Variants in PIK3CG observed in about 807,000 individuals in gnomAD.
The protein encoded by PIK3CG is phosphatidylinositol 4,5-bisphosphate 3-kinase catalytic subunit gamma isoform.
In PIK3CG, 55 loss-of-function variants were observed where a neutral mutation model predicts 102.3. The ratio of observed to expected loss-of-function variants is 0.54; its 90% CI spans 0.43 to 0.67. PIK3CG has a LOEUF of 0.67. Ranked by LOEUF, PIK3CG falls within the 30% of genes least tolerant of loss-of-function variation. The pLI is 0.00. For missense variants in PIK3CG, 1,258 were observed against 1,391.8 expected, an observed-to-expected ratio of 0.90 and a Z score of 1.53; for synonymous variants, 552 against 540.0, an observed-to-expected ratio of 1.02 and a Z score of -0.31.
In PIK3CG at chr7:106,868,279, AC is replaced by A; in HGVS notation, c.723del (p.Gly242AlafsTer17). On this transcript the variant is annotated frameshift_variant, in exon 2 of 11. Transcript: ENST00000496166. LOFTEE classifies it high-confidence loss of function. This position sits in a 1 kb window ranked among gnomAD's most constrained non-coding sequence, Gnocchi z 6.2. ...SQTIKVSPDD[T>X]PGAILQSFFT... ...GACCATTAAGGTCTCACCCGACGAC[AC>A]CCCCGGCGCCATCCTGCAGAGCTTC... 1 of 1,613,938 alleles carries A rather than the reference AC, an allele frequency of 6.2e-7. No individual in the cohort carries two copies. Among genetic ancestry groups the A allele is most frequent in the Non-Finnish European group, 8.5e-7 (1 of 1,180,006 alleles).
At position 106,905,735 on chromosome 7, in the gene PIK3CG, A is replaced by G; in HGVS notation, c.*348A>G. 3.4e-6 allele frequency: 1 copy of G among 292,174 alleles called. No individual in the cohort carries two copies. Among genetic ancestry groups the G allele is most frequent in the Non-Finnish European group, 6.4e-6 (1 of 156,488 alleles). 18.1% of individuals were successfully genotyped at this position (292,174 alleles called of 1,614,324 possible). A position where few individuals can be genotyped will look rare whatever the true frequency, so the allele number is the denominator to read the frequency against. On this transcript the variant is annotated 3_prime_UTR_variant, in exon 11 of 11. Transcript: ENST00000496166. The surrounding 1 kb of genome is among the most constrained non-coding windows in gnomAD (Gnocchi z 5.6). ...TGGAAATTCTTTGGAATAATTGATG[A>G]CATCTATTTTCATCTGGGTTTAGTC...
Position 106,883,172 on chromosome 7 carries a change from A to ATGC in PIK3CG, c.2760+11_2760+13dup. Reference sequence around the variant, plus strand: ...CCCCTACTGAAGAAAAGGTGAGCTCATGCTTTTTCCCAGTCTAATGGCTCC... The same window carrying ATGC: ...CCCCTACTGAAGAAAAGGTGAGCTCATGCTGCTTTTTCCCAGTCTAATGGCTCC... On this transcript the variant is annotated intron_variant, in intron 8 of 10. Coordinates refer to ENST00000496166, the MANE Select transcript of PIK3CG (RefSeq NM_001282426.2). This position sits in a 1 kb window ranked among gnomAD's most constrained non-coding sequence, Gnocchi z 5.8. The ATGC allele has an allele frequency of 6.2e-7, 1 of 1,613,658 alleles. No individual in the cohort carries two copies. Among genetic ancestry groups the ATGC allele is most frequent in the East Asian group, 2.2e-5 (1 of 44,880 alleles).
Position 106,902,940 on chromosome 7 carries a change from T to A in PIK3CG, c.3031-2169T>A, listed in dbSNP as rs1358416138. Among the ~76,000 whole-genome samples, 1 of 152,188 alleles carries A rather than the reference T, an allele frequency of 6.6e-6. No individual in the cohort carries two copies. The highest frequency in any genetic ancestry group is 2.4e-5 in the African/African-American group (1 of 41,456). ...TCCATGATTATTTAAATGTTTTCCCTTTTTAAATTTAATTCATCTGGAATT... is the reference window on the plus strand; with the variant it reads ...TCCATGATTATTTAAATGTTTTCCCATTTTAAATTTAATTCATCTGGAATT... On this transcript the variant is annotated intron_variant, in intron 10 of 10. Coordinates refer to ENST00000496166, the MANE Select transcript of PIK3CG (RefSeq NM_001282426.2). This position sits in a 1 kb window ranked among gnomAD's most constrained non-coding sequence, Gnocchi z 4.3.
chr7:106,890,154 A>T lies in PIK3CG; in HGVS notation c.3030+3862A>T, dbSNP rs1791230992. Among the ~76,000 whole-genome samples, 1 of 152,208 alleles carries T rather than the reference A, an allele frequency of 6.6e-6. No homozygotes were observed. The highest frequency in any genetic ancestry group is 6.5e-5 in the Admixed American group (1 of 15,280). ...TGAAATTTGGCTTCTAAGTTTTTTAAATGTCAGAATGTGTTTTTTATTGTT... is the reference window on the plus strand; with the variant it reads ...TGAAATTTGGCTTCTAAGTTTTTTATATGTCAGAATGTGTTTTTTATTGTT... On this transcript the variant is annotated intron_variant, in intron 10 of 10. Transcript: ENST00000496166. The surrounding 1 kb of genome is among the most constrained non-coding windows in gnomAD (Gnocchi z 4.2).
chr7:106,886,421 T>C, intron 10 of PIK3CG, 129 bp downstream of exon 10: 1 of 764,254 alleles, frequency 1.3e-6, no homozygotes, highest in Non-Finnish European at 2.1e-6. Flanking sequence ...TCTTCTGGCA[T>C]GGCCAACCCT....
At position 106,891,794 on chromosome 7, in the gene PIK3CG, A is replaced by G. The variant is rs753290088; in HGVS notation, c.3030+5502A>G. On this transcript the variant is annotated intron_variant, in intron 10 of 10. Transcript: ENST00000496166. This position sits in a 1 kb window ranked among gnomAD's most constrained non-coding sequence, Gnocchi z 4.4. ...GGAGCCCATTCGTTGTGTTATTTTA[A>G]TCTAGGATGACTGTGGAAATTTTCT... 2.0e-5 allele frequency among the ~76,000 whole-genome samples: 3 copies of G among 151,838 alleles called. No homozygotes were observed. The highest frequency in any genetic ancestry group is 2.9e-5 in the Non-Finnish European group (2 of 67,954).
chr7:106,889,218 C>T (rs984307387), intron 10 of PIK3CG, among the ~76,000 whole-genome samples: 1 of 152,166 alleles, frequency 6.6e-6, no homozygotes, highest in Non-Finnish European at 1.5e-5. Context: ...TGTGTTCCCT[C>T]ATCCTTCACA....
At chr7:106,870,650 A>G (rs963497215) in intron 2 of PIK3CG, among the ~76,000 whole-genome samples, 6 of 152,342 alleles carry the variant, frequency 3.9e-5, no homozygotes, top group Middle Eastern at 3.4e-3. Context: ...TGAGTAAGTG[A>G]CATTTGACCT....
intron 7 of PIK3CG, 45 bp from the exon 8 acceptor site, chr7:106,882,988 G>A (rs1042773654): frequency 1.9e-6 from 3 of 1,591,538 alleles, no homozygotes; most frequent in Non-Finnish European, 2.6e-6. Context: ...TCTGGGCCAG[G>A]TACTGGCCCC....
chr7:106,901,613 G>C (rs866584039), intron 10 of PIK3CG, among the ~76,000 whole-genome samples: 1 of 152,166 alleles, frequency 6.6e-6, no homozygotes. Flanking sequence ...TGGTGTGGTT[G>C]TTTGGAGGAC....
In PIK3CG at chr7:106,867,917, T is replaced by C. The variant is rs2116425530; in HGVS notation, c.356T>C (p.Leu119Pro). 2 of 1,613,292 alleles carry C rather than the reference T, an allele frequency of 1.2e-6. No individual in the cohort carries two copies. Among genetic ancestry groups the C allele is most frequent in the Non-Finnish European group, 1.7e-6 (2 of 1,179,980 alleles). The change falls in exon 2 of 11, where the codon CTG (leucine) becomes CCG (proline). Residue 119 changes from leucine (L) to proline (P), a missense_variant. By Grantham distance (98) the Leu-to-Pro change is moderately conservative. Coordinates refer to ENST00000496166, the MANE Select transcript of PIK3CG (RefSeq NM_001282426.2). This position sits in a 1 kb window ranked among gnomAD's most constrained non-coding sequence, Gnocchi z 5.1. Reference protein sequence around the residue: ...IYDKYQVVQTLDCLRYWKATH... With the variant: ...IYDKYQVVQTPDCLRYWKATH... ...GACAAGTACCAGGTGGTGCAGACTC[T>C]GGACTGCCTGCGCTACTGGAAGGCC...
rs929716129 is a variant in PIK3CG, at chr7:106,880,314, A to G, written c.2538+649A>G. Among the ~76,000 whole-genome samples the G allele has an allele frequency of 4.2e-4, 64 of 152,356 alleles. No homozygotes were observed. Among genetic ancestry groups the G allele is most frequent in the South Asian group, 2.1e-4 (1 of 4,832 alleles). On this transcript the variant is annotated intron_variant, in intron 6 of 10. Coordinates refer to ENST00000496166, the MANE Select transcript of PIK3CG (RefSeq NM_001282426.2). This position sits in a 1 kb window ranked among gnomAD's most constrained non-coding sequence, Gnocchi z 4.2. ...GAGGTAATAATTTCTAATACTTAAT[A>G]TGGTTTATTTGAAGTAGACAAATTA...
intron 10 of PIK3CG, among the ~76,000 whole-genome samples, chr7:106,896,023 C>T (rs1383496326): frequency 1.3e-5 from 2 of 152,272 alleles, no homozygotes; most frequent in Middle Eastern, 6.8e-3. Flanking sequence ...AAGCATGGGA[C>T]GTGCAGTTAA....
rs1450932601 is a variant in PIK3CG at position 106,880,579 on chromosome 7, T to A, written c.2538+914T>A. On this transcript the variant is annotated intron_variant, in intron 6 of 10. Coordinates refer to ENST00000496166, the MANE Select transcript of PIK3CG (RefSeq NM_001282426.2). The surrounding 1 kb of genome is among the most constrained non-coding windows in gnomAD (Gnocchi z 4.2). ...AATAAATCTGTAGAATATTTTGAAT[T>A]GTTTGAAGATGGACACTTTAAAAAC... Among the ~76,000 whole-genome samples, 1 of 152,248 alleles carries A rather than the reference T, an allele frequency of 6.6e-6. No individual in the cohort carries two copies. Among genetic ancestry groups the A allele is most frequent in the Non-Finnish European group, 1.5e-5 (1 of 68,032 alleles).
At position 106,897,853 on chromosome 7, in the gene PIK3CG, C is replaced by T. The variant is rs184702557; in HGVS notation, c.3031-7256C>T. On this transcript the variant is annotated intron_variant, in intron 10 of 10. Coordinates refer to ENST00000496166, the MANE Select transcript of PIK3CG (RefSeq NM_001282426.2). This position sits in a 1 kb window ranked among gnomAD's most constrained non-coding sequence, Gnocchi z 4.6. ...GCTGCAGTGAATATTTCTGTACATG[C>T]GTTTTTATGGTAGAATGATTTCTAT... 6.6e-6 allele frequency among the ~76,000 whole-genome samples: 1 copy of T among 152,018 alleles called. No homozygotes were observed. Among genetic ancestry groups the T allele is most frequent in the Non-Finnish European group, 1.5e-5 (1 of 67,980 alleles).
rs138929870 is a variant in PIK3CG, at chr7:106,868,272, C to G, written c.711C>G (p.Pro237=). 1 of 1,613,890 alleles carries G rather than the reference C, an allele frequency of 6.2e-7. No homozygotes were observed. The part of the protein sequence containing the change: ...STTSQTIKVS[P]DDTPGAILQS... ...CCAGCCAGACCATTAAGGTCTCACCCGACGACACCCCCGGCGCCATCCTGC... is the reference window on the plus strand; with the variant it reads ...CCAGCCAGACCATTAAGGTCTCACCGGACGACACCCCCGGCGCCATCCTGC... The change falls in exon 2 of 11, where the codon CCC becomes CCG. Residue 237 remains proline, a synonymous_variant. Coordinates refer to ENST00000496166, the MANE Select transcript of PIK3CG (RefSeq NM_001282426.2). The surrounding 1 kb of genome is among the most constrained non-coding windows in gnomAD (Gnocchi z 6.2).
Position 106,867,744 on chromosome 7 carries a change from G to C in PIK3CG, c.183G>C (p.Val61=), listed in dbSNP as rs1221883905. The C allele has an allele frequency of 6.2e-7, 1 of 1,612,944 alleles. No homozygotes were observed. The highest frequency in any genetic ancestry group is 8.5e-7 in the Non-Finnish European group (1 of 1,179,850). Residue 61 remains valine (V), a synonymous_variant, in exon 2 of 11, where the codon GTG becomes GTC. Transcript: ENST00000496166. This position sits in a 1 kb window ranked among gnomAD's most constrained non-coding sequence, Gnocchi z 5.1. ...CKSPETALLH[V]AGHGNVEQMK... is the part of the protein sequence containing the mutation. ...GCCCCGAAACGGCGCTGCTGCACGT[G>C]GCCGGCCACGGCAACGTGGAGCAGA...
chr7:106,902,632 G>A lies in PIK3CG; in HGVS notation c.3031-2477G>A, dbSNP rs1791588822. Among the ~76,000 whole-genome samples the A allele has an allele frequency of 2.7e-5, 4 of 146,874 alleles. No homozygotes were observed. The South Asian group carries it at 8.5e-4, about 31-fold the overall frequency. On this transcript the variant is annotated intron_variant, in intron 10 of 10. Transcript: ENST00000496166. This position sits in a 1 kb window ranked among gnomAD's most constrained non-coding sequence, Gnocchi z 4.3. ...ATATTAATGAAGTTGCATTTTTTTT[G>A]TAGGTTTATCTGTTTTTATGTCTTA...
In PIK3CG at chr7:106,905,023, G is replaced by A. The variant is rs2116616164; in HGVS notation, c.3031-86G>A. The A allele has an allele frequency of 8.4e-7, 1 of 1,190,160 alleles. No individual in the cohort carries two copies. Among genetic ancestry groups the A allele is most frequent in the South Asian group, 1.4e-5 (1 of 70,312 alleles). 73.7% of individuals were successfully genotyped at this position (1,190,160 alleles called of 1,614,324 possible). On this transcript the variant is annotated intron_variant, in intron 10 of 10. Coordinates refer to ENST00000496166, the MANE Select transcript of PIK3CG (RefSeq NM_001282426.2). The surrounding 1 kb of genome is among the most constrained non-coding windows in gnomAD (Gnocchi z 5.6). ...TCTTCTCATGGACAGGTAACTCTAT[G>A]TACATTTCAGTACATCCCTGTAATC... is the stretch of plus-strand genomic sequence containing the variant.
Sources: gnomAD v4.1 joint callset for allele counts (sites outside exome capture counted in the v4.1 genomes callset) on GRCh38, gnomAD v4.1.1 for gene constraint, Gnocchi (gnomAD v3.1) non-coding constraint, MANE v1.5 for transcripts, NCBI Gene and HGNC (gene_info 2026-07-23, HGNC 2026-07-21) for gene names.